PPP1R12B: variants seen among roughly 807,000 people sequenced by gnomAD.
PPP1R12B encodes the protein protein phosphatase 1 regulatory subunit 12B, also known as myosin phosphatase target subunit 2.
In PPP1R12B, 76 loss-of-function variants were observed where a neutral mutation model predicts 126.1. That is an observed-to-expected ratio of 0.60 (90% confidence interval 0.50 to 0.73). The LOEUF is 0.73. Ranked by LOEUF, PPP1R12B falls within the 30% of genes least tolerant of loss-of-function variation. The pLI is 0.00. For synonymous variants in PPP1R12B, 356 were observed against 434.7 expected, an observed-to-expected ratio of 0.82 and a Z score of 2.25; for missense variants, 1,052 against 1,205.1, an observed-to-expected ratio of 0.87 and a Z score of 1.88.
At chr1:202,363,475 T>G (rs530399504) in intron 1 of PPP1R12B, among the ~76,000 whole-genome samples, 15 of 152,328 alleles carry the variant, frequency 9.8e-5, no homozygotes, top group African/African-American at 2.9e-4. Flanking sequence ...AGGATAAACA[T>G]GTGCATTCTT....
At chr1:202,392,762 A>G (rs1026024672) in intron 1 of PPP1R12B, among the ~76,000 whole-genome samples, 4 of 152,024 alleles carry the variant, frequency 2.6e-5, no homozygotes, top group Non-Finnish European at 4.4e-5. Context: ...CCTGAGCTCA[A>G]GTGATCCACC....
chr1:202,421,303 T>C (rs12753718), intron 2 of PPP1R12B, among the ~76,000 whole-genome samples: 87 of 142,410 alleles, frequency 6.1e-4, no homozygotes, highest in East Asian at 1.2e-3. Flanking sequence ...ATCTCTCTCT[T>C]TTTTTTTTTT....
At chr1:202,444,289 A>G (rs1182429068) in intron 12 of PPP1R12B, among the ~76,000 whole-genome samples, 2 of 152,128 alleles carry the variant, frequency 1.3e-5, no homozygotes. Context: ...TTTTTTGGTT[A>G]TCTGCTCAAG....
At chr1:202,468,889 G>T (rs1332365490) in intron 13 of PPP1R12B, among the ~76,000 whole-genome samples, 7 of 151,944 alleles carry the variant, frequency 4.6e-5, no homozygotes, top group Non-Finnish European at 1.0e-4. Context: ...AGGTTGCAGT[G>T]ACCACTGCAC....
intron 1 of PPP1R12B, among the ~76,000 whole-genome samples, chr1:202,387,230 C>T (rs1558162269): frequency 6.6e-6 from 1 of 152,208 alleles, no homozygotes; most frequent in Admixed American, 6.5e-5. Context: ...TTGGCATACT[C>T]TGTCAACAAC....
chr1:202,574,039 C>T, intron 23 of PPP1R12B, among the ~76,000 whole-genome samples: 1 of 152,044 alleles, frequency 6.6e-6, no homozygotes, highest in East Asian at 1.9e-4. Context: ...TCTCTCTGGA[C>T]TGCAGAGGAA....
At chr1:202,402,010 G>T (rs1313720857) in intron 1 of PPP1R12B, among the ~76,000 whole-genome samples, 7 of 152,214 alleles carry the variant, frequency 4.6e-5, no homozygotes, top group Non-Finnish European at 1.0e-4. Context: ...CTAGTGAAGT[G>T]CTCTGGGAGG....
At chr1:202,479,254 G>A (rs777038939) in intron 13 of PPP1R12B, among the ~76,000 whole-genome samples, 4 of 152,112 alleles carry the variant, frequency 2.6e-5, no homozygotes, top group Admixed American at 6.5e-5. Flanking sequence ...ACATTGCCTG[G>A]TTGGGGACTT....
At chr1:202,434,791 G>T (rs750057667) in intron 9 of PPP1R12B, 23 bp downstream of exon 9, 1 of 1,611,376 alleles carries the variant, frequency 6.2e-7, no homozygotes, top group East Asian at 2.2e-5. Context: ...TACTTAATTT[G>T]GGAATTAGAT....
intron 23 of PPP1R12B, among the ~76,000 whole-genome samples, chr1:202,571,757 G>C (rs928409451): frequency 6.6e-6 from 1 of 152,006 alleles, no homozygotes; most frequent in South Asian, 2.1e-4. Context: ...CGTCTGGCCA[G>C]GACTGATTTT....
At chr1:202,356,355 A>G (rs970955936) in intron 1 of PPP1R12B, among the ~76,000 whole-genome samples, 17 of 152,146 alleles carry the variant, frequency 1.1e-4, no homozygotes, top group African/African-American at 4.1e-4. Flanking sequence ...GGGAGAAAAC[A>G]TACAGAGAAG....
At position 202,562,879 on chromosome 1, in the gene PPP1R12B, T is replaced by A. The variant is rs754165779; in HGVS notation, c.2609T>A (p.Leu870Gln). The A allele has an allele frequency of 5.0e-6, 8 of 1,606,192 alleles. No homozygotes were observed. In the South Asian group the frequency reaches 8.9e-5, roughly 18 times the overall value. The stretch of plus-strand genomic sequence containing the variant: ...GCCCGGGAGGCCCGCCTAGCCACCC[T>A]GACCAGCCGTGTAGAAGAAGACAGC... ...REAREARLAT[L>Q]TSRVEEDSNR... Residue 870 changes from leucine to glutamine, a missense_variant, in exon 20 of 24, where the codon CTG (leucine) becomes CAG (glutamine). By Grantham distance (113) the Leu-to-Gln change is moderately radical (BLOSUM62 -2). Transcript: ENST00000608999.
At chr1:202,523,120 C>T (rs891497313) in intron 18 of PPP1R12B, among the ~76,000 whole-genome samples, 13 of 152,204 alleles carry the variant, frequency 8.5e-5, no homozygotes, top group African/African-American at 1.9e-4. Flanking sequence ...TCAACATTCA[C>T]TCATTCATTC....
chr1:202,352,638 C>T (rs1017918110), intron 1 of PPP1R12B, among the ~76,000 whole-genome samples: 1 of 152,112 alleles, frequency 6.6e-6, no homozygotes, highest in African/African-American at 2.4e-5. Context: ...CTTGTAATCC[C>T]ACCACTTTGG....
At chr1:202,455,955 G>A (rs950036421) in intron 13 of PPP1R12B, among the ~76,000 whole-genome samples, 4 of 152,066 alleles carry the variant, frequency 2.6e-5, no homozygotes, top group Non-Finnish European at 4.4e-5. Context: ...CTGAGATAAT[G>A]GTAGAAGAGA....
rs796339366 is a variant in PPP1R12B at position 202,449,045 on chromosome 1, C to T, written c.1724C>T (p.Ser575Phe). 1 of 1,613,930 alleles carries T rather than the reference C, an allele frequency of 6.2e-7. No individual in the cohort carries two copies. The change falls in exon 13 of 24, where the codon TCT becomes TTT. Residue 575 changes from serine to phenylalanine, a missense_variant. By Grantham distance (155) the Ser-to-Phe change is radical. Transcript: ENST00000608999. ...TTAEKTADNV[S>F]SSTPLCVITN... ...GCAGAGAAAACAGCAGACAATGTCT[C>T]TTCTAGCACCCCGCTCTGTGTGATC...
In PPP1R12B at chr1:202,582,957, C is replaced by G. The variant is rs1289608495; in HGVS notation, c.*2397C>G. 1 of 152,140 alleles carries G rather than the reference C, an allele frequency of 6.6e-6. No homozygotes were observed. Among genetic ancestry groups the G allele is most frequent in the African/African-American group, 2.4e-5 (1 of 41,416 alleles). The allele number at this position is 152,140 out of a possible 1,614,324, so 9.4% of individuals were successfully genotyped here. A position where few individuals can be genotyped will look rare whatever the true frequency, so the allele number is the denominator to read the frequency against. On this transcript the variant is annotated 3_prime_UTR_variant, in exon 24 of 24. Coordinates refer to ENST00000608999, the MANE Select transcript of PPP1R12B (RefSeq NM_002481.4). ...AGGAGATATGTTTCCTCTGACAAAA[C>G]CCCATTTTTAGAGTGTATAAAATTC...
At chr1:202,380,326 C>T (rs551959019) in intron 1 of PPP1R12B, among the ~76,000 whole-genome samples, 58 of 152,196 alleles carry the variant, frequency 3.8e-4, no homozygotes, top group African/African-American at 1.3e-3. Context: ...ACAAGTTGTT[C>T]TGTGGCAGGC....
intron 3 of PPP1R12B, among the ~76,000 whole-genome samples, chr1:202,423,200 C>T (rs973421410): frequency 2.8e-4 from 43 of 152,194 alleles, no homozygotes; most frequent in African/African-American, 9.7e-4. Flanking sequence ...AGGAAGCTAA[C>T]TTAGAATAAT....
Sources: allele counts gnomAD v4.1 joint callset (sites outside exome capture counted in the v4.1 genomes callset), GRCh38; gene constraint gnomAD v4.1.1; transcripts MANE v1.5; gene names NCBI Gene and HGNC (gene_info 2026-07-23, HGNC 2026-07-21).